GRID2: variants seen among roughly 807,000 people sequenced by gnomAD.
GRID2 encodes glutamate receptor ionotropic, delta-2.
In GRID2, 33 loss-of-function variants were observed where a neutral mutation model predicts 114.8. The ratio of observed to expected loss-of-function variants is 0.29; its 90% CI spans 0.22 to 0.38. GRID2 has a LOEUF of 0.38. Among genes scored for constraint, GRID2 ranks in the 10% least tolerant of loss-of-function variants. The pLI is 1.00. For missense variants in GRID2, 1,184 were observed against 1,257.7 expected, an observed-to-expected ratio of 0.94 and a Z score of 0.89; for synonymous variants, 505 against 449.9, an observed-to-expected ratio of 1.12 and a Z score of -1.55.
intron 2 of GRID2, among the ~76,000 whole-genome samples, chr4:93,047,419 G>A (rs1726254718): frequency 1.3e-5 from 2 of 151,994 alleles, no homozygotes; most frequent in Admixed American, 6.6e-5. Flanking sequence ...CTGACTATAG[G>A]ATATATGGGA....
intron 8 of GRID2, among the ~76,000 whole-genome samples, chr4:93,352,967 G>C (rs570936286): frequency 6.6e-6 from 1 of 152,076 alleles, no homozygotes; most frequent in South Asian, 2.1e-4. Context: ...CAATCAAGAA[G>C]GGCAGAAATA....
At chr4:92,433,707 T>C (rs983721965) in intron 1 of GRID2, among the ~76,000 whole-genome samples, 4 of 152,180 alleles carry the variant, frequency 2.6e-5, no homozygotes, top group African/African-American at 7.2e-5. Flanking sequence ...TCACCTGATT[T>C]TTGTATCTTA....
At chr4:92,453,038 G>T (rs1003592856) in intron 1 of GRID2, among the ~76,000 whole-genome samples, 2 of 151,292 alleles carry the variant, frequency 1.3e-5, no homozygotes, top group Non-Finnish European at 2.9e-5. Flanking sequence ...TGAATATGTG[G>T]CATTTGTGTG....
Position 93,238,357 on chromosome 4 carries a change from G to C in GRID2, c.1126-14G>C. 6.3e-7 allele frequency: 1 copy of C among 1,590,154 alleles called. No individual in the cohort carries two copies. Among genetic ancestry groups the C allele is most frequent in the Non-Finnish European group, 8.6e-7 (1 of 1,161,692 alleles). On this transcript the variant is annotated splice_polypyrimidine_tract_variant and intron_variant, in intron 7 of 15. Transcript: ENST00000282020. Reference sequence around the variant, plus strand: ...CTTCTCAAATTTTACATCAGTATCTGTTCTCTCCTTTAGGGTGGAGTTAGT... The same window carrying C: ...CTTCTCAAATTTTACATCAGTATCTCTTCTCTCCTTTAGGGTGGAGTTAGT...
intron 4 of GRID2, among the ~76,000 whole-genome samples, chr4:93,156,211 T>A (rs1481820655): frequency 1.3e-5 from 2 of 151,658 alleles, no homozygotes; most frequent in Admixed American, 6.6e-5. Context: ...ATAGAGTAAA[T>A]AAATAAAACA....
chr4:92,524,793 A>G (rs1724967191), intron 1 of GRID2, among the ~76,000 whole-genome samples: 1 of 151,968 alleles, frequency 6.6e-6, no homozygotes, highest in African/African-American at 2.4e-5. Context: ...GGAGGTAGAT[A>G]CCTTCTGGAA....
chr4:92,886,946 G>A (rs189948341), intron 2 of GRID2, among the ~76,000 whole-genome samples: 4 of 151,328 alleles, frequency 2.6e-5, no homozygotes, highest in Non-Finnish European at 5.9e-5. Flanking sequence ...ATTATTTTTT[G>A]GGGGAAAAAA....
chr4:92,307,038 A>C (rs892693153), intron 1 of GRID2, among the ~76,000 whole-genome samples: 2 of 152,168 alleles, frequency 1.3e-5, no homozygotes, highest in Non-Finnish European at 2.9e-5. Flanking sequence ...TAAAAAAATA[A>C]AAAATGATGA....
In GRID2 at chr4:92,683,070, C is replaced by T. The variant is rs188160964; in HGVS notation, c.244+92784C>T. On this transcript the variant is annotated intron_variant, in intron 2 of 15. Coordinates refer to ENST00000282020, the MANE Select transcript of GRID2 (RefSeq NM_001510.4). Reference sequence around the variant, plus strand: ...ATCCCAGCACTTTGGGAGGCCAAGGCGGGCGGATCACAAGGTCAGGGGATC... The same window carrying T: ...ATCCCAGCACTTTGGGAGGCCAAGGTGGGCGGATCACAAGGTCAGGGGATC... 8.5e-5 allele frequency among the ~76,000 whole-genome samples: 13 copies of T among 152,164 alleles called. No homozygotes were observed. The East Asian group carries it at 1.6e-3, about 18-fold the overall frequency.
intron 1 of GRID2, among the ~76,000 whole-genome samples, chr4:92,537,277 T>C (rs915889987): frequency 1.7e-4 from 26 of 152,188 alleles, no homozygotes; most frequent in Non-Finnish European, 2.5e-4. Context: ...TTTATATACA[T>C]ACTATTATTA....
intron 1 of GRID2, among the ~76,000 whole-genome samples, chr4:92,537,510 T>A (rs1579539307): frequency 6.6e-6 from 1 of 152,314 alleles, no homozygotes; most frequent in Non-Finnish European, 1.5e-5. Context: ...TTGGCACTTT[T>A]TTGTAATGAC....
intron 8 of GRID2, among the ~76,000 whole-genome samples, chr4:93,270,103 A>G (rs1227205285): frequency 1.3e-5 from 2 of 152,086 alleles, no homozygotes; most frequent in Non-Finnish European, 2.9e-5. Context: ...CTTTAGAAAG[A>G]TATAGTTGAA....
At chr4:93,269,728 A>C (rs1751227348) in intron 8 of GRID2, among the ~76,000 whole-genome samples, 1 of 152,192 alleles carries the variant, frequency 6.6e-6, no homozygotes, top group African/African-American at 2.4e-5. Flanking sequence ...AATTCACTGC[A>C]ACTTAGAACC....
At chr4:93,405,664 C>T (rs558748048) in intron 9 of GRID2, among the ~76,000 whole-genome samples, 1 of 152,248 alleles carries the variant, frequency 6.6e-6, no homozygotes, top group African/African-American at 2.4e-5. Context: ...TAGAACATTT[C>T]ACAATATTCT....
intron 9 of GRID2, among the ~76,000 whole-genome samples, chr4:93,398,328 G>A (rs1238054960): frequency 1.3e-5 from 2 of 151,002 alleles, no homozygotes; most frequent in African/African-American, 2.4e-5. Flanking sequence ...TATTACCTGA[G>A]CCTTGTGGTT....
chr4:93,624,427 A>T (rs1467138357), intron 13 of GRID2, among the ~76,000 whole-genome samples: 1 of 152,168 alleles, frequency 6.6e-6, no homozygotes, highest in African/African-American at 2.4e-5. Flanking sequence ...GGCAATGCAA[A>T]GAGAGTTTAA....
chr4:93,122,787 T>G (rs564900225), intron 4 of GRID2, among the ~76,000 whole-genome samples: 1 of 151,934 alleles, frequency 6.6e-6, no homozygotes, highest in Non-Finnish European at 1.5e-5. Context: ...TTGTATCGTA[T>G]TTATCAATTA....
chr4:92,573,590 AG>A lies in GRID2; in HGVS notation c.89-16539del, dbSNP rs537910450. ...ATTTACCCAAAAGTCATTCAGGAGC[AG>A]GTTGTTCAATTTCCATGTAGTTGTA... On this transcript the variant is annotated intron_variant, in intron 1 of 15. Transcript: ENST00000282020. 3.4e-3 allele frequency among the ~76,000 whole-genome samples: 522 copies of A among 152,330 alleles called. 2 individuals are homozygous for A. Among genetic ancestry groups the A allele is most frequent in the Non-Finnish European group, 6.0e-3 (407 of 68,022 alleles).
At chr4:93,359,352 A>C (rs938972926) in intron 8 of GRID2, among the ~76,000 whole-genome samples, 2 of 151,914 alleles carry the variant, frequency 1.3e-5, no homozygotes, top group African/African-American at 2.4e-5. Context: ...TTTTCATCAC[A>C]GGCATGCAAT....
Sources: allele counts gnomAD v4.1 joint callset (sites outside exome capture counted in the v4.1 genomes callset), GRCh38; gene constraint gnomAD v4.1.1; transcripts MANE v1.5; gene names NCBI Gene and HGNC (gene_info 2026-07-23, HGNC 2026-07-21).